KALRN: variants seen among roughly 807,000 people sequenced by gnomAD.
KALRN encodes the protein kalirin.
KALRN carries 70 observed loss-of-function variants against 353.7 expected under a neutral mutation model. The ratio of observed to expected loss-of-function variants is 0.20; its 90% CI spans 0.16 to 0.24. KALRN has a LOEUF of 0.24. KALRN is among the 10% of genes least tolerant of loss of function. The pLI, the probability that KALRN is intolerant of heterozygous loss-of-function variation, is 1.00. For synonymous variants in KALRN, 1,391 were observed against 1,434.8 expected (o/e 0.97, Z 0.69); for missense variants, 2,791 against 3,756.7 (o/e 0.74, Z 6.72).
chr3:124,251,037 G>A (rs1311785976), intron 3 of KALRN, among the ~76,000 whole-genome samples: 1 of 152,172 alleles, frequency 6.6e-6, no homozygotes, highest in East Asian at 1.9e-4. Context: ...GTCTTCTCTT[G>A]GCTAAGAGTA....
intron 19 of KALRN, among the ~76,000 whole-genome samples, chr3:124,444,615 T>G (rs1283751676): frequency 6.7e-6 from 1 of 150,118 alleles, no homozygotes; most frequent in Non-Finnish European, 1.5e-5. Flanking sequence ...CTGGGCAACA[T>G]AGTGAGACCC....
Position 124,395,115 on chromosome 3 carries a change from T to C in KALRN, c.1963-20T>C. 1 of 1,597,796 alleles carries C rather than the reference T, an allele frequency of 6.3e-7. No homozygotes were observed. The highest frequency in any genetic ancestry group is 1.1e-5 in the South Asian group (1 of 89,952). ...CCTCTCCCATCTTCCCTGAGTGGAA[T>C]CTCTGCTCTCTCTCTACAGTTGTGG... On this transcript the variant is annotated intron_variant, in intron 11 of 59. Transcript: ENST00000682506.
intron 10 of KALRN, among the ~76,000 whole-genome samples, chr3:124,359,115 G>A (rs1029597391): frequency 6.6e-6 from 1 of 152,088 alleles, no homozygotes; most frequent in African/African-American, 2.4e-5. Context: ...CTATCATGAA[G>A]GGTCACCTTC....
At chr3:124,463,188 T>A (rs1011742355) in intron 25 of KALRN, among the ~76,000 whole-genome samples, 1 of 152,194 alleles carries the variant, frequency 6.6e-6, no homozygotes. Context: ...TCCCACACCA[T>A]ACAAAACAGC....
intron 6 of KALRN, among the ~76,000 whole-genome samples, chr3:124,318,544 G>A (rs2079028345): frequency 6.6e-6 from 1 of 152,186 alleles, no homozygotes; most frequent in Admixed American, 6.5e-5. Context: ...CCCAAAGTGA[G>A]TTTTGTACTG....
intron 25 of KALRN, among the ~76,000 whole-genome samples, chr3:124,463,507 T>C (rs1053565779): frequency 2.6e-5 from 4 of 152,368 alleles, no homozygotes; most frequent in Middle Eastern, 3.4e-3. Flanking sequence ...GATGGAAATG[T>C]TCTATATCTG....
At chr3:124,446,718 G>A (rs2093852500) in intron 20 of KALRN, 45 bp from the exon 21 acceptor site, 4 of 1,612,230 alleles carry the variant, frequency 2.5e-6, no homozygotes, top group Non-Finnish European at 3.4e-6. Flanking sequence ...TTTTCCTACT[G>A]ACAGCTGCCT....
intron 48 of KALRN, among the ~76,000 whole-genome samples, chr3:124,673,817 G>A (rs1161915441): frequency 6.6e-6 from 1 of 152,134 alleles, no homozygotes; most frequent in Non-Finnish European, 1.5e-5. Flanking sequence ...AGGAAGTTGG[G>A]TAAGGGTAGG....
At chr3:124,329,760 T>A (rs2080315626) in intron 7 of KALRN, 101 bp from the exon 8 acceptor site, 5 of 1,357,334 alleles carry the variant, frequency 3.7e-6, no homozygotes, top group Non-Finnish European at 3.1e-6. Context: ...CTTTCAGAAG[T>A]CCTGATGTTT....
At chr3:124,431,223 T>G (rs1166795674) in intron 16 of KALRN, among the ~76,000 whole-genome samples, 2 of 152,230 alleles carry the variant, frequency 1.3e-5, no homozygotes, top group African/African-American at 4.8e-5. Flanking sequence ...AACCCTTAGA[T>G]ACTATTGTCA....
chr3:124,541,469 T>TA lies in KALRN; in HGVS notation c.4936-21364dup, dbSNP rs201684869. 3.7e-3 allele frequency among the ~76,000 whole-genome samples: 546 copies of TA among 148,250 alleles called. 4 individuals are homozygous for TA. The East Asian group carries it at 0.053, about 14-fold the overall frequency. ...TATCTCAAAAAATTAAAATTAAAAT[T>TA]AAAAAAAAAACCCATATAATTCTTG... On this transcript the variant is annotated intron_variant, in intron 33 of 59. Coordinates refer to ENST00000682506, the MANE Select transcript of KALRN (RefSeq NM_001388419.1).
At chr3:124,391,651 GAT>G (rs2089405700) in intron 11 of KALRN, among the ~76,000 whole-genome samples, 1 of 152,152 alleles carries the variant, frequency 6.6e-6, no homozygotes. Flanking sequence ...TAATAAATGG[GAT>G]ATTGACTCTA....
chr3:124,224,427 A>C (rs1245066394), intron 1 of KALRN, among the ~76,000 whole-genome samples: 1 of 152,142 alleles, frequency 6.6e-6, no homozygotes, highest in Admixed American at 6.5e-5. Flanking sequence ...GAAAGTTTAC[A>C]AGTTTGTGTT....
chr3:124,060,372 G>A (rs1559886875), intron 1 of KALRN, among the ~76,000 whole-genome samples: 1 of 152,172 alleles, frequency 6.6e-6, no homozygotes, highest in Admixed American at 6.5e-5. Flanking sequence ...TACTATTGTA[G>A]GTGTTAATAT....
chr3:124,190,028 G>A (rs1031728469), intron 1 of KALRN, among the ~76,000 whole-genome samples: 1 of 151,796 alleles, frequency 6.6e-6, no homozygotes. Flanking sequence ...TTTACCAAGC[G>A]ACAATTATTT....
chr3:124,635,930 A>G (rs904644312), intron 36 of KALRN, among the ~76,000 whole-genome samples: 1 of 152,120 alleles, frequency 6.6e-6, no homozygotes, highest in African/African-American at 2.4e-5. Context: ...GGCTAATACT[A>G]CTACATACAG....
intron 1 of KALRN, among the ~76,000 whole-genome samples, chr3:124,159,028 C>G: frequency 6.6e-6 from 1 of 152,104 alleles, no homozygotes; most frequent in East Asian, 1.9e-4. Flanking sequence ...CCTTTACAAC[C>G]TTATCACTGA....
chr3:124,476,757 C>T (rs4621277), intron 26 of KALRN, among the ~76,000 whole-genome samples: 61,045 of 151,950 alleles, frequency 0.4, 13,077 homozygotes, highest in Middle Eastern at 0.57. Flanking sequence ...TTGGGGATGG[C>T]ATAGTCCCTT....
intron 10 of KALRN, among the ~76,000 whole-genome samples, chr3:124,362,950 G>A (rs778501217): frequency 1.3e-5 from 2 of 151,974 alleles, no homozygotes; most frequent in Admixed American, 6.6e-5. Context: ...TGATTCATCC[G>A]CTGTAGCTGT....
Sources: allele counts gnomAD v4.1 joint callset (sites outside exome capture counted in the v4.1 genomes callset), GRCh38; gene constraint gnomAD v4.1.1; transcripts MANE v1.5; gene names NCBI Gene and HGNC (gene_info 2026-07-23, HGNC 2026-07-21).